Variants in LRMDA observed in about 807,000 individuals in gnomAD.
The protein encoded by LRMDA is leucine rich melanocyte differentiation associated.
A neutral mutation model predicts 29.8 loss-of-function variants in LRMDA; 18 were observed. That is an observed-to-expected ratio of 0.60 (90% CI 0.42 to 0.90). LRMDA has a LOEUF of 0.90. Ranked by LOEUF, LRMDA falls within the 40% of genes least tolerant of loss-of-function variation. LRMDA has a pLI of 0.00. For missense variants in LRMDA, 273 were observed against 273.9 expected (o/e 1.00, Z 0.02); for synonymous variants, 125 against 109.4 (o/e 1.14, Z -0.89).
At chr10:76,022,088 G>A (rs1847983625) in intron 2 of LRMDA, among the ~76,000 whole-genome samples, 1 of 152,142 alleles carries the variant, frequency 6.6e-6, no homozygotes, top group Non-Finnish European at 1.5e-5. Context: ...TAAGATATTT[G>A]GATATTAGAA....
At chr10:75,573,508 T>A (rs972363092) in intron 2 of LRMDA, among the ~76,000 whole-genome samples, 1 of 152,178 alleles carries the variant, frequency 6.6e-6, no homozygotes, top group African/African-American at 2.4e-5. Context: ...GAGCTCTGGA[T>A]CATTTTTTTC....
intron 5 of LRMDA, among the ~76,000 whole-genome samples, chr10:76,170,071 A>C (rs1011081695): frequency 6.6e-6 from 1 of 152,190 alleles, no homozygotes; most frequent in Non-Finnish European, 1.5e-5. Flanking sequence ...ACTTTGAGCC[A>C]GTTGTTTAAA....
At chr10:75,599,235 A>T (rs1180971151) in intron 2 of LRMDA, among the ~76,000 whole-genome samples, 2 of 152,180 alleles carry the variant, frequency 1.3e-5, no homozygotes, top group Non-Finnish European at 2.9e-5. Context: ...TGTCCAAAAC[A>T]TGACAGCTAC....
At chr10:76,132,540 A>G (rs1850012016) in intron 5 of LRMDA, among the ~76,000 whole-genome samples, 1 of 152,172 alleles carries the variant, frequency 6.6e-6, no homozygotes, top group Non-Finnish European at 1.5e-5. Context: ...TTATATTGTC[A>G]TTCTTTTGAA....
chr10:76,190,846 G>GGGCC (rs1450417402), intron 5 of LRMDA, among the ~76,000 whole-genome samples: 1 of 152,192 alleles, frequency 6.6e-6, no homozygotes, highest in African/African-American at 2.4e-5. Flanking sequence ...CCTGAAGGGA[G>GGGCC]GGCCGGGTAT....
At chr10:76,396,061 C>T (rs773716005) in intron 6 of LRMDA, among the ~76,000 whole-genome samples, 1 of 152,146 alleles carries the variant, frequency 6.6e-6, no homozygotes, top group Non-Finnish European at 1.5e-5. Context: ...GCTTTAGCAT[C>T]CTACCATGGG....
chr10:75,666,903 C>G (rs1005155784), intron 2 of LRMDA, among the ~76,000 whole-genome samples: 1 of 152,074 alleles, frequency 6.6e-6, no homozygotes, highest in Non-Finnish European at 1.5e-5. Context: ...TTCCCATGGA[C>G]CCAGGTTTGA....
At chr10:75,975,183 T>C (rs771541054) in intron 2 of LRMDA, among the ~76,000 whole-genome samples, 8 of 152,242 alleles carry the variant, frequency 5.3e-5, no homozygotes, top group Non-Finnish European at 8.8e-5. Flanking sequence ...CACTGAGGAC[T>C]GGAGAAGTAA....
chr10:76,429,053 C>T (rs1162305714), intron 6 of LRMDA, among the ~76,000 whole-genome samples: 1 of 139,496 alleles, frequency 7.2e-6, no homozygotes, highest in Non-Finnish European at 1.6e-5. Context: ...CACACACACA[C>T]ACACATTCCC....
chr10:76,213,344 C>T (rs1004437549), intron 5 of LRMDA, among the ~76,000 whole-genome samples: 1 of 152,084 alleles, frequency 6.6e-6, no homozygotes, highest in African/African-American at 2.4e-5. Context: ...TTACCCAAGA[C>T]CCTGGTTGTA....
At chr10:75,585,957 A>C (rs916345324) in intron 2 of LRMDA, among the ~76,000 whole-genome samples, 1 of 152,224 alleles carries the variant, frequency 6.6e-6, no homozygotes, top group Non-Finnish European at 1.5e-5. Flanking sequence ...TATTTCATTT[A>C]GCATAATGTC....
chr10:76,423,379 G>T (rs1419979290), intron 6 of LRMDA, among the ~76,000 whole-genome samples: 2 of 152,152 alleles, frequency 1.3e-5, no homozygotes, highest in Admixed American at 1.3e-4. Flanking sequence ...AGGCAACAGA[G>T]TGAGACTCTG....
chr10:76,104,358 G>C (rs1428041965), intron 5 of LRMDA, among the ~76,000 whole-genome samples: 3 of 152,076 alleles, frequency 2.0e-5, no homozygotes, highest in Non-Finnish European at 4.4e-5. Flanking sequence ...CAACCACCAG[G>C]CTCCATTGCC....
intron 6 of LRMDA, among the ~76,000 whole-genome samples, chr10:76,383,787 A>G (rs1025047648): frequency 1.3e-5 from 2 of 152,106 alleles, no homozygotes; most frequent in Non-Finnish European, 2.9e-5. Context: ...CTGCCGTACA[A>G]TCTTTGTGAT....
chr10:75,760,891 T>C (rs544114796), intron 2 of LRMDA, among the ~76,000 whole-genome samples: 1 of 152,202 alleles, frequency 6.6e-6, no homozygotes, highest in Non-Finnish European at 1.5e-5. Context: ...TGAGTCACAT[T>C]GTGAGCTGTG....
intron 2 of LRMDA, among the ~76,000 whole-genome samples, chr10:75,861,349 GGTGTAAA>G (rs895824026): frequency 2.9e-4 from 44 of 152,270 alleles, no homozygotes; most frequent in African/African-American, 1.1e-3. Flanking sequence ...GGTGAAAAAA[GGTGTAAA>G]GTTGGTCCTT....
At chr10:75,693,356 G>A (rs778494025) in intron 2 of LRMDA, among the ~76,000 whole-genome samples, 2 of 152,176 alleles carry the variant, frequency 1.3e-5, no homozygotes, top group Non-Finnish European at 2.9e-5. Flanking sequence ...CCCAATCAAG[G>A]TATAGCAAAA....
At chr10:76,473,298 C>T (rs1842636337) in intron 6 of LRMDA, among the ~76,000 whole-genome samples, 1 of 151,276 alleles carries the variant, frequency 6.6e-6, no homozygotes, top group Non-Finnish European at 1.5e-5. Flanking sequence ...AAGTATTTGA[C>T]AAAAGTCCAC....
At chr10:76,239,188 T>C (rs1402061655) in intron 5 of LRMDA, among the ~76,000 whole-genome samples, 1 of 151,964 alleles carries the variant, frequency 6.6e-6, no homozygotes, top group Non-Finnish European at 1.5e-5. Context: ...TGATAGGGGG[T>C]GGCCAGCTGC....
Sources: gnomAD v4.1 joint callset for allele counts (sites outside exome capture counted in the v4.1 genomes callset) on GRCh38, gnomAD v4.1.1 for gene constraint, MANE v1.5 for transcripts, NCBI Gene and HGNC (gene_info 2026-07-23, HGNC 2026-07-21) for gene names.